ALKBH7: variants seen among roughly 807,000 people sequenced by gnomAD.
ALKBH7 encodes the protein RNA demethylase ALKBH7, mitochondrial.
Under a neutral mutation model 19.3 loss-of-function variants are expected in ALKBH7, and 21 were observed. The ratio of observed to expected loss-of-function variants is 1.09; its 90% CI spans 0.77 to 1.56. ALKBH7 has a LOEUF of 1.56. ALKBH7 is among the 40% of genes most tolerant of loss of function. The pLI, the probability that ALKBH7 is intolerant of heterozygous loss-of-function variation, is 0.00. For synonymous variants in ALKBH7, 147 were observed against 139.5 expected, an observed-to-expected ratio of 1.05 and a Z score of -0.38; for missense variants, 354 against 311.4, an observed-to-expected ratio of 1.14 and a Z score of -1.03.
rs1464532511 is a variant in ALKBH7, at chr19:6,372,801, C to T, written c.-20C>T. The T allele has an allele frequency of 6.5e-7, 1 of 1,536,130 alleles. No homozygotes were observed. ...GGCGTTCCCCAACCCTGCCCTCTCTCATGACCCCGCTCCGGGATTATGGCC... is the reference window on the plus strand; with the variant it reads ...GGCGTTCCCCAACCCTGCCCTCTCTTATGACCCCGCTCCGGGATTATGGCC... On this transcript the variant is annotated 5_prime_UTR_variant, in exon 1 of 4. Coordinates refer to ENST00000245812, the MANE Select transcript of ALKBH7 (RefSeq NM_032306.4).
chr19:6,373,960 C>A (rs1324173708), intron 1 of ALKBH7: 14 of 984,964 alleles, frequency 1.4e-5, no homozygotes, highest in Non-Finnish European at 1.7e-5. Flanking sequence ...TAGGGAGATT[C>A]AGCCAATTGA....
Position 6,373,125 on chromosome 19 carries a change from C to T in ALKBH7, c.204+101C>T, listed in dbSNP as rs2091899689. The T allele has an allele frequency of 6.4e-6, 9 of 1,400,230 alleles. No individual in the cohort carries two copies. The Admixed American group carries it at 1.5e-4, about 23-fold the overall frequency. The allele number at this position is 1,400,230 out of a possible 1,614,324, so 86.7% of individuals were successfully genotyped here. A position where few individuals can be genotyped will look rare whatever the true frequency, so the allele number is the denominator to read the frequency against. ...GGGCGGGGACACGCTGGGGGCGGTA[C>T]CTAGAGCGGGGATTTGGAGCGGGGA... On this transcript the variant is annotated intron_variant, in intron 1 of 3. Coordinates refer to ENST00000245812, the MANE Select transcript of ALKBH7 (RefSeq NM_032306.4).
rs377753853 is a variant in ALKBH7 at position 6,374,172 on chromosome 19, G to T, written c.205-31G>T. ...CTCAGTTTCCTTGTTCCCTCTGGGA[G>T]CTCCCAGGCTTAACCGAGCTCTCTG... On this transcript the variant is annotated intron_variant, in intron 1 of 3. Coordinates refer to ENST00000245812, the MANE Select transcript of ALKBH7 (RefSeq NM_032306.4). 1.4e-5 allele frequency: 23 copies of T among 1,598,276 alleles called. No homozygotes were observed. The African/African-American group carries it at 3.1e-4, about 22-fold the overall frequency.
rs763864254 is a variant in ALKBH7 at position 6,374,456 on chromosome 19, CTT to C, written c.379-6_379-5del. On this transcript the variant is annotated splice_polypyrimidine_tract_variant and splice_region_variant and intron_variant, in intron 2 of 3. Coordinates refer to ENST00000245812, the MANE Select transcript of ALKBH7 (RefSeq NM_032306.4). Reference sequence around the variant, plus strand: ...TAGATCCTGACCCATCCCCACGCCTCTTTTGCAGTTCTGCGGGGCCACCATCG... The same window carrying C: ...TAGATCCTGACCCATCCCCACGCCTCTTGCAGTTCTGCGGGGCCACCATCG... The C allele has an allele frequency of 6.2e-7, 1 of 1,613,250 alleles. No individual in the cohort carries two copies. The highest frequency in any genetic ancestry group is 8.5e-7 in the Non-Finnish European group (1 of 1,179,608).
rs1441224089 is a variant in ALKBH7, at chr19:6,372,927, G to C, written c.107G>C (p.Arg36Pro). Reference sequence around the variant, plus strand: ...CGCCTGCAGGACGCGGCCGTGGTGCGGCCTGGCTTCCTGAGCACGGCAGAG... The same window carrying C: ...CGCCTGCAGGACGCGGCCGTGGTGCCGCCTGGCTTCCTGAGCACGGCAGAG... ...LSRLQDAAVV[R>P]PGFLSTAEEE... Residue 36 changes from arginine to proline, a missense_variant, in exon 1 of 4, where the codon CGG (arginine) becomes CCG (proline). By Grantham distance (103) the Arg-to-Pro change is moderately radical. Coordinates refer to ENST00000245812, the MANE Select transcript of ALKBH7 (RefSeq NM_032306.4). 1 of 1,564,570 alleles carries C rather than the reference G, an allele frequency of 6.4e-7. No homozygotes were observed. The highest frequency in any genetic ancestry group is 8.6e-7 in the Non-Finnish European group (1 of 1,157,600).
rs1317084515 is a variant in ALKBH7, at chr19:6,374,900, T to A, written c.593T>A (p.Ile198Asn). ...GERRIPRGRRISVICRSLPEG... is the reference protein window; with the variant it reads ...GERRIPRGRRNSVICRSLPEG... ...CGCCGGATTCCCCGGGGCCGGCGCA[T>A]CTCCGTGATCTGCCGCTCCCTCCCT... Residue 198 changes from isoleucine (I) to asparagine (N), a missense_variant, in exon 4 of 4, where the codon ATC becomes AAC. Ile to Asn is a moderately radical substitution (Grantham distance 149). Transcript: ENST00000245812. 1.2e-6 allele frequency: 2 copies of A among 1,614,016 alleles called. No homozygotes were observed. The highest frequency in any genetic ancestry group is 4.5e-5 in the East Asian group (2 of 44,872).
chr19:6,374,647 G>A (rs2091912050), intron 3 of ALKBH7, 58 bp downstream of exon 3: 1 of 1,610,606 alleles, frequency 6.2e-7, no homozygotes, highest in East Asian at 2.2e-5. Context: ...CCCACCCTGT[G>A]CCCTGGGTAC....
Position 6,374,568 on chromosome 19 carries a change from C to T in ALKBH7, c.482C>T (p.Pro161Leu), listed in dbSNP as rs987311570. 8 of 1,613,384 alleles carry T rather than the reference C, an allele frequency of 5.0e-6. No homozygotes were observed. The Admixed American group carries it at 1.0e-4, about 20-fold the overall frequency. ...PGEWLELLLE[P>L]GSLYILRGSA... The stretch of plus-strand genomic sequence containing the variant: ...GAGTGGCTGGAACTCTTGCTGGAGC[C>T]GGGCTCCCTCTACATCCTTAGGTAC... Residue 161 changes from proline to leucine, a missense_variant, in exon 3 of 4, where the codon CCG (proline) becomes CTG (leucine). Pro to Leu is a moderately conservative substitution (Grantham distance 98, BLOSUM62 -3). Coordinates refer to ENST00000245812, the MANE Select transcript of ALKBH7 (RefSeq NM_032306.4).
rs769175771 is a variant in ALKBH7, at chr19:6,372,995, C to A, written c.175C>A (p.Arg59Ser). The A allele has an allele frequency of 2.5e-6, 4 of 1,574,944 alleles. No individual in the cohort carries two copies. The highest frequency in any genetic ancestry group is 3.4e-6 in the Non-Finnish European group (4 of 1,162,860). Residue 59 changes from arginine (R) to serine (S), a missense_variant, in exon 1 of 4, where the codon CGC (arginine) becomes AGC (serine). By Grantham distance (110) the Arg-to-Ser change is moderately radical. Transcript: ENST00000245812. Reference protein sequence around the residue: ...SRELEPELRRRRYEYDHWDAA... With the variant: ...SRELEPELRRSRYEYDHWDAA... ...AGAACTGGAGCCCGAGCTGCGCCGC[C>A]GCCGCTACGAATACGATCACTGGGA...
chr19:6,373,644 G>A lies in ALKBH7; in HGVS notation c.205-559G>A, dbSNP rs565216357. The A allele has an allele frequency of 3.0e-4, 373 of 1,250,118 alleles. 2 individuals carry two copies. In the African/African-American group the frequency reaches 5.0e-3, roughly 17 times the overall value. 77.4% of individuals were successfully genotyped at this position (1,250,118 alleles called of 1,614,324 possible). Reference sequence around the variant, plus strand: ...CGGGATGGGTTGGGGCCATGCTGTGGGGGGGACGGGGAAGTCGAGGTTTAG... The same window carrying A: ...CGGGATGGGTTGGGGCCATGCTGTGAGGGGGACGGGGAAGTCGAGGTTTAG... On this transcript the variant is annotated intron_variant, in intron 1 of 3. Transcript: ENST00000245812.
chr19:6,374,522 G>A lies in ALKBH7; in HGVS notation c.436G>A (p.Val146Met). 6.2e-7 allele frequency: 1 copy of A among 1,614,066 alleles called. No homozygotes were observed. Among genetic ancestry groups the A allele is most frequent in the Non-Finnish European group, 8.5e-7 (1 of 1,179,972 alleles). The change falls in exon 3 of 4, where the codon GTG (valine) becomes ATG (methionine). Residue 146 changes from valine to methionine, a missense_variant. Val to Met is a conservative substitution (Grantham distance 21). Transcript: ENST00000245812. ...SLLSPSVMRL[V>M]HTQEPGEWLE... ...CCTGTCTCCCAGCGTTATGCGGCTG[G>A]TGCACACCCAGGAGCCGGGGGAGTG...
Position 6,374,293 on chromosome 19 carries a change from C to A in ALKBH7, c.295C>A (p.Pro99Thr). 1 of 1,613,142 alleles carries A rather than the reference C, an allele frequency of 6.2e-7. No homozygotes were observed. Among genetic ancestry groups the A allele is most frequent in the Non-Finnish European group, 8.5e-7 (1 of 1,179,740 alleles). Residue 99 changes from proline (P) to threonine (T), a missense_variant, in exon 2 of 4, where the codon CCC becomes ACC. Transcript: ENST00000245812. ...GCGCGTGCAGGCGGCCGCCTTTGGC[C>A]CCGGCCAGACCCTGCTCTCCTCCGT... is the stretch of plus-strand genomic sequence containing the variant. Reference protein sequence around the residue: ...LQRVQAAAFGPGQTLLSSVHV... With the variant: ...LQRVQAAAFGTGQTLLSSVHV...
intron 1 of ALKBH7, 26 bp downstream of exon 1, chr19:6,373,050 G>C (rs753635872): frequency 2.5e-5 from 39 of 1,543,818 alleles, no homozygotes; most frequent in South Asian, 7.2e-5. Context: ...CCGGGGGCGA[G>C]GGACGGGGGC....
intron 3 of ALKBH7, 100 bp downstream of exon 3, chr19:6,374,689 CT>C (rs2091912291): frequency 6.2e-7 from 1 of 1,604,848 alleles, no homozygotes; most frequent in Non-Finnish European, 8.5e-7. Context: ...CCGAAGACGC[CT>C]TTACCCCAGG....
rs374948258 is a variant in ALKBH7 at position 6,374,464 on chromosome 19, G to T, written c.379-1G>T. On this transcript the variant is annotated splice_acceptor_variant, in intron 2 of 3. Coordinates refer to ENST00000245812, the MANE Select transcript of ALKBH7 (RefSeq NM_032306.4). LOFTEE classifies it high-confidence loss of function. ...GACCCATCCCCACGCCTCTTTTGCAGTTCTGCGGGGCCACCATCGCCGGCC... is the reference window on the plus strand; with the variant it reads ...GACCCATCCCCACGCCTCTTTTGCATTTCTGCGGGGCCACCATCGCCGGCC... 44 of 1,613,490 alleles carry T rather than the reference G, an allele frequency of 2.7e-5. No individual in the cohort carries two copies. The highest frequency in any genetic ancestry group is 3.3e-5 in the Non-Finnish European group (39 of 1,179,812).
intron 3 of ALKBH7, 58 bp from the exon 4 acceptor site, chr19:6,374,753 C>G: frequency 6.3e-7 from 1 of 1,594,374 alleles, no homozygotes; most frequent in Non-Finnish European, 8.6e-7. Flanking sequence ...GAATCCAGGT[C>G]TGCCTGGAGC....
At position 6,373,703 on chromosome 19, in the gene ALKBH7, GGA is replaced by G. The variant is rs1198604637; in HGVS notation, c.205-497_205-496del. Reference sequence around the variant, plus strand: ...GAACCACGCTGGGGGCGGAGATAGGGGAGACACATGCTGGGATGGGGCAGGGC... The same window carrying G: ...GAACCACGCTGGGGGCGGAGATAGGGGACACATGCTGGGATGGGGCAGGGC... On this transcript the variant is annotated intron_variant, in intron 1 of 3. Coordinates refer to ENST00000245812, the MANE Select transcript of ALKBH7 (RefSeq NM_032306.4). 32 of 1,256,370 alleles carry G rather than the reference GGA, an allele frequency of 2.5e-5. No individual in the cohort carries two copies. In the South Asian group the frequency reaches 9.5e-4, roughly 37 times the overall value. 77.8% of individuals were successfully genotyped at this position (1,256,370 alleles called of 1,614,324 possible).
At chr19:6,373,700 A>C in intron 1 of ALKBH7, 1 of 1,227,804 alleles carries the variant, frequency 8.1e-7, no homozygotes, top group Non-Finnish European at 1.0e-6. Flanking sequence ...GGGCGGAGAT[A>C]GGGGAGACAC....
chr19:6,374,721 G>T, intron 3 of ALKBH7, 90 bp from the exon 4 acceptor site: 1 of 1,595,834 alleles, frequency 6.3e-7, no homozygotes, highest in Non-Finnish European at 8.6e-7. Context: ...GAGGCAGCAG[G>T]GGGCTGGAAT....
Sources: allele counts gnomAD v4.1 joint callset, GRCh38; gene constraint gnomAD v4.1.1; transcripts MANE v1.5; gene names NCBI Gene and HGNC (gene_info 2026-07-23, HGNC 2026-07-21).